The following HERC4 variants were observed in gnomAD, a reference collection of about 807,000 sequenced individuals.
HERC4 encodes the protein probable E3 ubiquitin-protein ligase HERC4.
A neutral mutation model predicts 124.3 loss-of-function variants in HERC4; 28 were observed. The ratio of observed to expected loss-of-function variants is 0.23; its 90% CI spans 0.17 to 0.31. HERC4 has a LOEUF of 0.31. Ranked by LOEUF, HERC4 falls within the 10% of genes least tolerant of loss-of-function variation. The pLI is 1.00. For synonymous variants in HERC4, 407 were observed against 421.5 expected (o/e 0.97, Z 0.42); for missense variants, 713 against 1,229.3 (o/e 0.58, Z 6.28).
intron 6 of HERC4, among the ~76,000 whole-genome samples, chr10:68,033,599 A>G (rs938440117): frequency 6.6e-6 from 1 of 152,238 alleles, no homozygotes; most frequent in East Asian, 1.9e-4. Context: ...AATCATTTAA[A>G]TATTTCCTTG....
intron 16 of HERC4, chr10:67,959,190 C>A: frequency 6.8e-7 from 1 of 1,463,198 alleles, no homozygotes; most frequent in Non-Finnish European, 9.3e-7. Context: ...ATATTAGTGT[C>A]CAAATTTAAC....
chr10:67,925,844 C>T (rs1277576343), intron 23 of HERC4, among the ~76,000 whole-genome samples: 1 of 152,106 alleles, frequency 6.6e-6, no homozygotes, highest in East Asian at 1.9e-4. Flanking sequence ...ATACTGAGGC[C>T]TCCTGCCAAC....
At chr10:68,067,245 T>G (rs913674884) in intron 3 of HERC4, 1 of 152,628 alleles carries the variant, frequency 6.6e-6, no homozygotes, top group Non-Finnish European at 1.5e-5. Context: ...TTATTATACA[T>G]TTCTCTAACG....
chr10:67,981,220 A>T (rs901700737), intron 15 of HERC4, among the ~76,000 whole-genome samples: 1 of 152,230 alleles, frequency 6.6e-6, no homozygotes, highest in African/African-American at 2.4e-5. Flanking sequence ...TGCCAGTGTT[A>T]GCCAAAAGGG....
At chr10:67,952,725 C>T (rs1331366789) in intron 19 of HERC4, among the ~76,000 whole-genome samples, 3 of 151,546 alleles carry the variant, frequency 2.0e-5, no homozygotes, top group African/African-American at 7.3e-5. Flanking sequence ...GGTGAAACCC[C>T]GTCTCTACTA....
intron 9 of HERC4, among the ~76,000 whole-genome samples, chr10:68,013,789 C>A (rs2038106920): frequency 6.6e-6 from 1 of 152,200 alleles, no homozygotes; most frequent in Admixed American, 6.5e-5. Flanking sequence ...ATGTAGCCAT[C>A]TTCTAGTTCC....
chr10:68,052,130 T>A (rs669322), intron 3 of HERC4, among the ~76,000 whole-genome samples: 6,702 of 151,988 alleles, frequency 0.044, 512 homozygotes, highest in African/African-American at 0.15. Flanking sequence ...GTGGAAAAAA[T>A]TGCCTTCTGA....
intron 9 of HERC4, among the ~76,000 whole-genome samples, chr10:68,012,881 A>G (rs1237291796): frequency 6.6e-6 from 1 of 152,138 alleles, no homozygotes; most frequent in East Asian, 1.9e-4. Context: ...TTATTATTTT[A>G]TCTTTTATGG....
chr10:67,968,377 C>CTT (rs879488845), intron 15 of HERC4, among the ~76,000 whole-genome samples: 87 of 144,420 alleles, frequency 6.0e-4, no homozygotes, highest in Non-Finnish European at 1.0e-3. Context: ...GAGGCTACTC[C>CTT]TTTTTTTTTT....
At chr10:67,951,995 C>T (rs934989259) in intron 19 of HERC4, among the ~76,000 whole-genome samples, 1 of 152,150 alleles carries the variant, frequency 6.6e-6, no homozygotes, top group Admixed American at 6.5e-5. Flanking sequence ...CTCCACCACA[C>T]CTCAATGCCC....
chr10:67,964,320 G>C, intron 16 of HERC4, among the ~76,000 whole-genome samples: 1 of 151,824 alleles, frequency 6.6e-6, no homozygotes, highest in East Asian at 1.9e-4. Flanking sequence ...TTAAATTTTG[G>C]TTTCCAAGAC....
At chr10:68,007,477 TG>T (rs2037643299) in intron 9 of HERC4, among the ~76,000 whole-genome samples, 1 of 152,154 alleles carries the variant, frequency 6.6e-6, no homozygotes, top group Non-Finnish European at 1.5e-5. Flanking sequence ...TTCATTGGTT[TG>T]GTGAGGTCAT....
intron 15 of HERC4, among the ~76,000 whole-genome samples, chr10:67,982,491 A>C (rs2035989715): frequency 6.6e-6 from 1 of 151,830 alleles, no homozygotes; most frequent in Non-Finnish European, 1.5e-5. Context: ...ATGATTAATG[A>C]TTAAATCTAA....
intron 14 of HERC4, among the ~76,000 whole-genome samples, chr10:67,989,292 A>G (rs1238620616): frequency 6.6e-6 from 1 of 152,068 alleles, no homozygotes; most frequent in African/African-American, 2.4e-5. Flanking sequence ...TTAAAATGCA[A>G]GGTACTCCTG....
At chr10:68,019,555 G>A (rs984967659) in intron 8 of HERC4, among the ~76,000 whole-genome samples, 19 of 152,104 alleles carry the variant, frequency 1.2e-4, no homozygotes, top group African/African-American at 4.1e-4. Flanking sequence ...AAGAAGCACC[G>A]AGAATCTGTT....
chr10:68,046,075 A>G (rs2039998632), intron 3 of HERC4, among the ~76,000 whole-genome samples: 1 of 152,010 alleles, frequency 6.6e-6, no homozygotes, highest in African/African-American at 2.4e-5. Context: ...TTAAAAAAGT[A>G]TTTTACAGAA....
intron 19 of HERC4, among the ~76,000 whole-genome samples, chr10:67,950,429 C>T (rs1161590397): frequency 6.6e-6 from 1 of 152,076 alleles, no homozygotes; most frequent in Non-Finnish European, 1.5e-5. Context: ...ATGCATTCCA[C>T]CATGCCCAGC....
chr10:67,926,429 A>AAC (rs1554895143), intron 23 of HERC4, among the ~76,000 whole-genome samples: 53 of 150,290 alleles, frequency 3.5e-4, no homozygotes, highest in East Asian at 2.0e-3. Flanking sequence ...AAAAAAAAAA[A>AAC]AACAAAAAAA....
intron 20 of HERC4, 84 bp from the exon 21 acceptor site, chr10:67,939,738 ATAC>A: frequency 1.8e-6 from 1 of 567,902 alleles, no homozygotes. Flanking sequence ...ATATATATAT[ATAC>A]TTCTCATTCC....
Sources: gnomAD v4.1 joint callset for allele counts (sites outside exome capture counted in the v4.1 genomes callset) on GRCh38, gnomAD v4.1.1 for gene constraint, MANE v1.5 for transcripts, NCBI Gene and HGNC (gene_info 2026-07-23, HGNC 2026-07-21) for gene names.